The following TNFRSF13C variants were observed in gnomAD, a reference collection of about 807,000 sequenced individuals.
The protein encoded by TNFRSF13C is tumor necrosis factor receptor superfamily member 13C.
Under a neutral mutation model 12.1 loss-of-function variants are expected in TNFRSF13C, and 7 were observed. The observed-to-expected ratio is 0.58, with a 90% confidence interval of 0.33 to 1.08. TNFRSF13C has a LOEUF of 1.08. Ranked by LOEUF, TNFRSF13C falls within the 50% of genes least tolerant of loss-of-function variation. TNFRSF13C has a pLI of 0.04. For missense variants in TNFRSF13C, 260 were observed against 265.9 expected, an observed-to-expected ratio of 0.98 and a Z score of 0.15; for synonymous variants, 157 against 130.8, an observed-to-expected ratio of 1.20 and a Z score of -1.37.
chr22:41,923,576 A>T lies in TNFRSF13C; in HGVS notation c.*1791T>A, dbSNP rs1269244351. On this transcript the variant is annotated 3_prime_UTR_variant, in exon 3 of 3. Transcript: ENST00000291232. ...CACTGGGGGGCCAGTGCTTCAGGGG[A>T]ACAAGCCAGAGAGAGAAGGGAGTTC... 1 of 152,368 alleles carries T rather than the reference A, an allele frequency of 6.6e-6. No individual in the cohort carries two copies. Among genetic ancestry groups the T allele is most frequent in the Non-Finnish European group, 1.5e-5 (1 of 68,144 alleles). The allele number at this position is 152,368 out of a possible 1,614,324, so 9.4% of individuals were successfully genotyped here. A position where few individuals can be genotyped will look rare whatever the true frequency, so the allele number is the denominator to read the frequency against.
chr22:41,926,249 G>T lies in TNFRSF13C; in HGVS notation c.219C>A (p.Pro73=). ...VGAGAGEAAL[P]LPGLLFGAPA... is the part of the protein sequence containing the mutation. ...GGGCGCCAAAGAGCAGCCCGGGCAGGGGCAGCGCCGCCTCGCCGGCCCCCG... is the reference window on the plus strand; with the variant it reads ...GGGCGCCAAAGAGCAGCCCGGGCAGTGGCAGCGCCGCCTCGCCGGCCCCCG... Residue 73 remains proline (P), a synonymous_variant, in exon 2 of 3, where the codon CCC becomes CCA. Coordinates refer to ENST00000291232, the MANE Select transcript of TNFRSF13C (RefSeq NM_052945.4). The surrounding 1 kb of genome is among the most constrained non-coding windows in gnomAD (Gnocchi z 4.9). 3.3e-6 allele frequency: 5 copies of T among 1,518,254 alleles called. No homozygotes were observed. The highest frequency in any genetic ancestry group is 3.5e-6 in the Non-Finnish European group (4 of 1,139,808). 94.0% of individuals were successfully genotyped at this position (1,518,254 alleles called of 1,614,324 possible).
In TNFRSF13C at chr22:41,926,272, C is replaced by T. The variant is rs1402585409; in HGVS notation, c.196G>A (p.Gly66Arg). 6.7e-7 allele frequency: 1 copy of T among 1,490,420 alleles called. No homozygotes were observed. 92.3% of individuals were successfully genotyped at this position (1,490,420 alleles called of 1,614,324 possible). A position where few individuals can be genotyped will look rare whatever the true frequency, so the allele number is the denominator to read the frequency against. The change falls in exon 2 of 3, where the codon GGG becomes AGG. Residue 66 changes from glycine to arginine, a missense_variant. Coordinates refer to ENST00000291232, the MANE Select transcript of TNFRSF13C (RefSeq NM_052945.4). This position sits in a 1 kb window ranked among gnomAD's most constrained non-coding sequence, Gnocchi z 4.9. ...AGGGGCAGCGCCGCCTCGCCGGCCC[C>T]CGCGCCCACCGACTCCTGCGGCTGC... Reference protein sequence around the residue: ...ALQPQESVGAGAGEAALPLPG... With the variant: ...ALQPQESVGARAGEAALPLPG...
chr22:41,923,077 C>G lies in TNFRSF13C; in HGVS notation c.*2290G>C, dbSNP rs2077613438. ...ATGTGAGTGGCCACTGTCTTCCAAG[C>G]TGGGCACACAACAGGTCCTTGGGAC... is the stretch of plus-strand genomic sequence containing the variant. On this transcript the variant is annotated 3_prime_UTR_variant, in exon 3 of 3. Coordinates refer to ENST00000291232, the MANE Select transcript of TNFRSF13C (RefSeq NM_052945.4). The G allele has an allele frequency of 6.5e-6, 1 of 153,026 alleles. No homozygotes were observed. The highest frequency in any genetic ancestry group is 6.5e-5 in the Admixed American group (1 of 15,282). The allele number at this position is 153,026 out of a possible 1,614,324, so 9.5% of individuals were successfully genotyped here.
rs2077627327 is a variant in TNFRSF13C, at chr22:41,926,014, C to T, written c.367+87G>A. 1 of 1,541,130 alleles carries T rather than the reference C, an allele frequency of 6.5e-7. No individual in the cohort carries two copies. Among genetic ancestry groups the T allele is most frequent in the Non-Finnish European group, 8.9e-7 (1 of 1,124,646 alleles). On this transcript the variant is annotated intron_variant, in intron 2 of 2. Coordinates refer to ENST00000291232, the MANE Select transcript of TNFRSF13C (RefSeq NM_052945.4). The surrounding 1 kb of genome is among the most constrained non-coding windows in gnomAD (Gnocchi z 4.9). Reference sequence around the variant, plus strand: ...CCCCTTAAAGCCCTTCTCTCCCCCTCAGGGGCCATGCATCTCCCCCTAGAC... The same window carrying T: ...CCCCTTAAAGCCCTTCTCTCCCCCTTAGGGGCCATGCATCTCCCCCTAGAC...
rs1212344267 is a variant in TNFRSF13C at position 41,924,406 on chromosome 22, T to C, written c.*961A>G. On this transcript the variant is annotated 3_prime_UTR_variant, in exon 3 of 3. Transcript: ENST00000291232. ...AGGAGGCTCAGGCAGGAGAATGGTGTGAACCCAGGAGGCGGAGCTTGAAGT... is the reference window on the plus strand; with the variant it reads ...AGGAGGCTCAGGCAGGAGAATGGTGCGAACCCAGGAGGCGGAGCTTGAAGT... The C allele has an allele frequency of 6.8e-6, 1 of 147,336 alleles. No homozygotes were observed. The highest frequency in any genetic ancestry group is 2.1e-4 in the South Asian group (1 of 4,666). 9.1% of individuals were successfully genotyped at this position (147,336 alleles called of 1,614,324 possible).
chr22:41,926,542 C>T lies in TNFRSF13C; in HGVS notation c.136+96G>A. 1.5e-6 allele frequency: 2 copies of T among 1,305,274 alleles called. No homozygotes were observed. Among genetic ancestry groups the T allele is most frequent in the Non-Finnish European group, 1.9e-6 (2 of 1,025,882 alleles). 80.9% of individuals were successfully genotyped at this position (1,305,274 alleles called of 1,614,324 possible). ...CCCACAGGGTCCTTTCAGCCCTCGG[C>T]GCCCCCGGGGGTCGGGGCTCTGCCT... On this transcript the variant is annotated intron_variant, in intron 1 of 2. Transcript: ENST00000291232. The surrounding 1 kb of genome is among the most constrained non-coding windows in gnomAD (Gnocchi z 4.9).
In TNFRSF13C at chr22:41,926,656, T is replaced by C; in HGVS notation, c.118A>G (p.Thr40Ala). Reference protein sequence around the residue: ...RHCVACGLLRTPRPKPAGASS... With the variant: ...RHCVACGLLRAPRPKPAGASS... ...CCCTTACCCGGTTTCGGCCGCGGCG[T>C]GCGCAGGAGCCCGCAGGCCACGCAG... Residue 40 changes from threonine to alanine, a missense_variant, in exon 1 of 3, where the codon ACG becomes GCG. Transcript: ENST00000291232. The surrounding 1 kb of genome is among the most constrained non-coding windows in gnomAD (Gnocchi z 4.9). The C allele has an allele frequency of 6.8e-7, 1 of 1,460,868 alleles. No individual in the cohort carries two copies. The highest frequency in any genetic ancestry group is 9.0e-7 in the Non-Finnish European group (1 of 1,111,482). The allele number at this position is 1,460,868 out of a possible 1,614,324, so 90.5% of individuals were successfully genotyped here. A position where few individuals can be genotyped will look rare whatever the true frequency, so the allele number is the denominator to read the frequency against.
Position 41,926,303 on chromosome 22 carries a change from C to G in TNFRSF13C, c.165G>C (p.Thr55=), listed in dbSNP as rs886057590. The G allele has an allele frequency of 1.4e-6, 2 of 1,460,846 alleles. No individual in the cohort carries two copies. Among genetic ancestry groups the G allele is most frequent in the Non-Finnish European group, 1.8e-6 (2 of 1,114,534 alleles). The allele number at this position is 1,460,846 out of a possible 1,614,324, so 90.5% of individuals were successfully genotyped here. A position where few individuals can be genotyped will look rare whatever the true frequency, so the allele number is the denominator to read the frequency against. Residue 55 remains threonine (T), a synonymous_variant, in exon 2 of 3, where the codon ACG becomes ACC. Coordinates refer to ENST00000291232, the MANE Select transcript of TNFRSF13C (RefSeq NM_052945.4). This position sits in a 1 kb window ranked among gnomAD's most constrained non-coding sequence, Gnocchi z 4.9. Reference sequence around the variant, plus strand: ...CCACCGACTCCTGCGGCTGCAGCGCCGTCCTGGGCGCAGGGCTGCTGGCCC... The same window carrying G: ...CCACCGACTCCTGCGGCTGCAGCGCGGTCCTGGGCGCAGGGCTGCTGGCCC... The part of the protein sequence containing the change: ...PAGASSPAPR[T]ALQPQESVGA...
intron 2 of TNFRSF13C, 123 bp from the exon 3 acceptor site, chr22:41,925,677 C>T: frequency 8.1e-7 from 1 of 1,240,558 alleles, no homozygotes; most frequent in East Asian, 2.5e-5. Context: ...GGAGGGGTGG[C>T]ACCTGGCTGA....
rs945854727 is a variant in TNFRSF13C, at chr22:41,922,383, A to G, written c.*2984T>C. On this transcript the variant is annotated 3_prime_UTR_variant, in exon 3 of 3. Coordinates refer to ENST00000291232, the MANE Select transcript of TNFRSF13C (RefSeq NM_052945.4). ...CTGGGTCTCAGTTTCCTCGTCTGTT[A>G]AATGCATATGAGAATTATCTAAGGT... 1 of 152,208 alleles carries G rather than the reference A, an allele frequency of 6.6e-6. No individual in the cohort carries two copies. The highest frequency in any genetic ancestry group is 2.4e-5 in the African/African-American group (1 of 41,444). The allele number at this position is 152,208 out of a possible 1,614,324, so 9.4% of individuals were successfully genotyped here. A position where few individuals can be genotyped will look rare whatever the true frequency, so the allele number is the denominator to read the frequency against.
In TNFRSF13C at chr22:41,925,467, G is replaced by A; in HGVS notation, c.455C>T (p.Pro152Leu). The A allele has an allele frequency of 6.2e-7, 1 of 1,613,080 alleles. No homozygotes were observed. The highest frequency in any genetic ancestry group is 8.5e-7 in the Non-Finnish European group (1 of 1,180,008). Residue 152 changes from proline to leucine, a missense_variant, in exon 3 of 3, where the codon CCA (proline) becomes CTA (leucine). Pro to Leu is a moderately conservative substitution (Grantham distance 98). Transcript: ENST00000291232. ...ACTGTGGCCAGGTGGGGTGGTTCCT[G>A]GGTCTTCCCCAGGAGGAGGCCAGGC... The part of the protein sequence containing the change: ...APAWPPPGED[P>L]GTTPPGHSVP...
In TNFRSF13C at chr22:41,922,833, G is replaced by A. The variant is rs949752700; in HGVS notation, c.*2534C>T. The A allele has an allele frequency of 4.1e-5, 6 of 147,672 alleles. No homozygotes were observed. The highest frequency in any genetic ancestry group is 6.0e-5 in the Non-Finnish European group (4 of 66,892). The allele number at this position is 147,672 out of a possible 1,614,324, so 9.1% of individuals were successfully genotyped here. On this transcript the variant is annotated 3_prime_UTR_variant, in exon 3 of 3. Transcript: ENST00000291232. Reference sequence around the variant, plus strand: ...ATGGGGTGGGAGCTGGGGTGGCCAGGAAAAGATGGGGTGGGGCAGATGGGG... The same window carrying A: ...ATGGGGTGGGAGCTGGGGTGGCCAGAAAAAGATGGGGTGGGGCAGATGGGG...
chr22:41,926,769 C>A lies in TNFRSF13C; in HGVS notation c.5G>T (p.Arg2Met). Residue 2 changes from arginine (R) to methionine (M), a missense_variant, in exon 1 of 3, where the codon AGG (arginine) becomes ATG (methionine). Physicochemically the swap from Arg to Met is moderately conservative, Grantham distance 91 (BLOSUM62 -1). Transcript: ENST00000291232. This position sits in a 1 kb window ranked among gnomAD's most constrained non-coding sequence, Gnocchi z 4.9. ...GCCCCGCAGGCTCCGGGGCCCTCGC[C>A]TCATGGTGCCGACGCCGCCGCACAA... M[R>M]RGPRSLRGRD... is the part of the protein sequence containing the mutation. 7.4e-7 allele frequency: 1 copy of A among 1,345,890 alleles called. No individual in the cohort carries two copies. Among genetic ancestry groups the A allele is most frequent in the Non-Finnish European group, 9.5e-7 (1 of 1,052,096 alleles). 83.4% of individuals were successfully genotyped at this position (1,345,890 alleles called of 1,614,324 possible). A position where few individuals can be genotyped will look rare whatever the true frequency, so the allele number is the denominator to read the frequency against.
chr22:41,926,616 G>A lies in TNFRSF13C; in HGVS notation c.136+22C>T. The A allele has an allele frequency of 1.4e-6, 2 of 1,421,532 alleles. No homozygotes were observed. Among genetic ancestry groups the A allele is most frequent in the Non-Finnish European group, 1.8e-6 (2 of 1,091,002 alleles). The allele number at this position is 1,421,532 out of a possible 1,614,324, so 88.1% of individuals were successfully genotyped here. ...TTCTCCCCGCAGCTGCCGGCGCCGC[G>A]CGCCCCGTGGGTCCCCCTTACCCGG... On this transcript the variant is annotated intron_variant, in intron 1 of 2. Coordinates refer to ENST00000291232, the MANE Select transcript of TNFRSF13C (RefSeq NM_052945.4). This position sits in a 1 kb window ranked among gnomAD's most constrained non-coding sequence, Gnocchi z 4.9.
Position 41,924,878 on chromosome 22 carries a change from G to A in TNFRSF13C, c.*489C>T, listed in dbSNP as rs1317681656. On this transcript the variant is annotated 3_prime_UTR_variant, in exon 3 of 3. Coordinates refer to ENST00000291232, the MANE Select transcript of TNFRSF13C (RefSeq NM_052945.4). ...GAGGCAGGAGAATCACTTGAACCAAGGAGTCGGAGGTTACAGTGAGGCGAG... is the reference window on the plus strand; with the variant it reads ...GAGGCAGGAGAATCACTTGAACCAAAGAGTCGGAGGTTACAGTGAGGCGAG... 2.1e-5 allele frequency: 3 copies of A among 140,294 alleles called. No homozygotes were observed. The highest frequency in any genetic ancestry group is 4.5e-5 in the Non-Finnish European group (3 of 67,392). 8.7% of individuals were successfully genotyped at this position (140,294 alleles called of 1,614,324 possible).
In TNFRSF13C at chr22:41,925,022, C is replaced by T. The variant is rs1209997933; in HGVS notation, c.*345G>A. The T allele has an allele frequency of 1.1e-5, 2 of 190,158 alleles. No individual in the cohort carries two copies. Among genetic ancestry groups the T allele is most frequent in the Non-Finnish European group, 1.1e-5 (1 of 94,232 alleles). 11.8% of individuals were successfully genotyped at this position (190,158 alleles called of 1,614,324 possible). On this transcript the variant is annotated 3_prime_UTR_variant, in exon 3 of 3. Coordinates refer to ENST00000291232, the MANE Select transcript of TNFRSF13C (RefSeq NM_052945.4). ...ACCACCCAACTACAAATTAGGCATC[C>T]TCCCACTTGGTCTTTTTTCAGATTC...
Position 41,926,419 on chromosome 22 carries a change from G to A in TNFRSF13C, c.137-88C>T. 1 of 1,114,918 alleles carries A rather than the reference G, an allele frequency of 9.0e-7. No homozygotes were observed. The highest frequency in any genetic ancestry group is 1.2e-6 in the Non-Finnish European group (1 of 853,156). 69.1% of individuals were successfully genotyped at this position (1,114,918 alleles called of 1,614,324 possible). ...GGAGGGGCGGAGGGGGGCGAGGCTG[G>A]CCGGGGAGGGGAGGGACAGCCGGGG... On this transcript the variant is annotated intron_variant, in intron 1 of 2. Coordinates refer to ENST00000291232, the MANE Select transcript of TNFRSF13C (RefSeq NM_052945.4). This position sits in a 1 kb window ranked among gnomAD's most constrained non-coding sequence, Gnocchi z 4.9.
Position 41,926,531 on chromosome 22 carries a change from T to A in TNFRSF13C, c.136+107A>T. 1.6e-6 allele frequency: 2 copies of A among 1,287,976 alleles called. No individual in the cohort carries two copies. Among genetic ancestry groups the A allele is most frequent in the Non-Finnish European group, 9.9e-7 (1 of 1,010,466 alleles). The allele number at this position is 1,287,976 out of a possible 1,614,324, so 79.8% of individuals were successfully genotyped here. ...TCCAGGCCCTGCCCACAGGGTCCTT[T>A]CAGCCCTCGGCGCCCCCGGGGGTCG... On this transcript the variant is annotated intron_variant, in intron 1 of 2. Coordinates refer to ENST00000291232, the MANE Select transcript of TNFRSF13C (RefSeq NM_052945.4). This position sits in a 1 kb window ranked among gnomAD's most constrained non-coding sequence, Gnocchi z 4.9.
At position 41,922,419 on chromosome 22, in the gene TNFRSF13C, C is replaced by T. The variant is rs1409389805; in HGVS notation, c.*2948G>A. On this transcript the variant is annotated 3_prime_UTR_variant, in exon 3 of 3. Transcript: ENST00000291232. ...AGAATTATCTAAGGTTCCTTCCTGC[C>T]CTTCTCTGGGGACCACAGGCCAGGA... 6.6e-6 allele frequency: 1 copy of T among 152,176 alleles called. No individual in the cohort carries two copies. Among genetic ancestry groups the T allele is most frequent in the Non-Finnish European group, 1.5e-5 (1 of 68,044 alleles). The allele number at this position is 152,176 out of a possible 1,614,324, so 9.4% of individuals were successfully genotyped here.
Sources: gnomAD v4.1 joint callset for allele counts on GRCh38, gnomAD v4.1.1 for gene constraint, Gnocchi (gnomAD v3.1) non-coding constraint, MANE v1.5 for transcripts, NCBI Gene and HGNC (gene_info 2026-07-23, HGNC 2026-07-21) for gene names.